CAPRIN1: variants seen among roughly 807,000 people sequenced by gnomAD.
CAPRIN1 encodes the protein cell cycle associated protein 1.
Under a neutral mutation model 100.9 loss-of-function variants are expected in CAPRIN1, and 29 were observed. The observed-to-expected ratio is 0.29, with a 90% CI of 0.21 to 0.39. CAPRIN1 has a LOEUF of 0.39. Among genes scored for constraint, CAPRIN1 ranks in the 10% least tolerant of loss-of-function variants. CAPRIN1 has a pLI of 1.00. For missense variants in CAPRIN1, 795 were observed against 876.7 expected (o/e 0.91, Z 1.18); for synonymous variants, 338 against 307.5 (o/e 1.10, Z -1.04).
Position 34,099,322 on chromosome 11 carries a change from A to T in CAPRIN1, c.2085A>T (p.Arg695Ser). The T allele has an allele frequency of 6.2e-7, 1 of 1,613,858 alleles. No homozygotes were observed. The highest frequency in any genetic ancestry group is 8.5e-7 in the Non-Finnish European group (1 of 1,179,832). ...GAPRGRGGPP[R>S]PNRGMPQMNT... is the part of the protein sequence containing the mutation. ...TTCTAGGTCGTGGAGGGCCCCCAAG[A>T]CCCAACAGAGGGATGCCGCAAATGA... The change falls in exon 19 of 19, where the codon AGA becomes AGT. Residue 695 changes from arginine (R) to serine (S), a missense_variant. Physicochemically the swap from Arg to Ser is moderately radical, Grantham distance 110 (BLOSUM62 -1). Around this residue, in one of 3 missense-constraint regions of CAPRIN1, gnomAD observed 648 missense variants for 697.9 expected, o/e 0.93. Transcript: ENST00000341394.
rs1191091733 is a variant in CAPRIN1, at chr11:34,086,061, TAGG to T, written c.967-2_967del. The T allele has an allele frequency of 1.2e-6, 2 of 1,613,292 alleles. No individual in the cohort carries two copies. Among genetic ancestry groups the T allele is most frequent in the Admixed American group, 3.3e-5 (2 of 59,848 alleles). On this transcript the variant is annotated splice_acceptor_variant and coding_sequence_variant, in exon 10 of 19. Coordinates refer to ENST00000341394, the MANE Select transcript of CAPRIN1 (RefSeq NM_005898.5). LOFTEE classifies it high-confidence loss of function. ...CCTTCTAATCCTTTTTTTTCTACCT[TAGG>T]TGGTAAATTCACTCCAGCAGCAACC...
At chr11:34,069,338 C>CG (rs915631157) in intron 2 of CAPRIN1, among the ~76,000 whole-genome samples, 3 of 151,526 alleles carry the variant, frequency 2.0e-5, no homozygotes, top group East Asian at 1.9e-4. Flanking sequence ...TTGGTAGAGA[C>CG]GGGGTTTCAC....
chr11:34,074,256 G>A (rs998963538), intron 4 of CAPRIN1, among the ~76,000 whole-genome samples: 1 of 152,154 alleles, frequency 6.6e-6, no homozygotes, highest in African/African-American at 2.4e-5. Context: ...TATTTTGGAA[G>A]TTACTATCAC....
Position 34,091,922 on chromosome 11 carries a change from C to G in CAPRIN1, c.1571C>G (p.Ala524Gly). 6.2e-7 allele frequency: 1 copy of G among 1,612,914 alleles called. No homozygotes were observed. Among genetic ancestry groups the G allele is most frequent in the Non-Finnish European group, 8.5e-7 (1 of 1,179,444 alleles). Residue 524 changes from alanine to glycine, a missense_variant, in exon 15 of 19, where the codon GCC (alanine) becomes GGC (glycine). Around this residue, in one of 3 missense-constraint regions of CAPRIN1, gnomAD observed 648 missense variants for 697.9 expected, o/e 0.93. Transcript: ENST00000341394. ...TACTAACAGGTGTTCAATATGAATG[C>G]CCCAGTTCCTCCTGTTAATGAACCA... ...QSMQTVFNMN[A>G]PVPPVNEPET...
intron 2 of CAPRIN1, chr11:34,062,904 C>A (rs961948239): frequency 6.6e-6 from 1 of 152,004 alleles, no homozygotes; most frequent in African/African-American, 2.4e-5. Context: ...CCTAATCTTC[C>A]TTCTGACTAT....
rs1055947988 is a variant in CAPRIN1, at chr11:34,051,836, C to G, written c.-36C>G. 6.5e-6 allele frequency: 1 copy of G among 152,826 alleles called. No homozygotes were observed. Among genetic ancestry groups the G allele is most frequent in the Admixed American group, 6.5e-5 (1 of 15,290 alleles). The allele number at this position is 152,826 out of a possible 1,614,324, so 9.5% of individuals were successfully genotyped here. A position where few individuals can be genotyped will look rare whatever the true frequency, so the allele number is the denominator to read the frequency against. On this transcript the variant is annotated 5_prime_UTR_variant, in exon 1 of 19. Coordinates refer to ENST00000341394, the MANE Select transcript of CAPRIN1 (RefSeq NM_005898.5). ...CCACCACCCTTGCCCCCTCAGCTGC[C>G]CACTCGTGATTTCCAGCGGCCTCCG...
At chr11:34,060,131 C>T (rs1269275334) in intron 2 of CAPRIN1, among the ~76,000 whole-genome samples, 4 of 135,710 alleles carry the variant, frequency 2.9e-5, no homozygotes, top group African/African-American at 5.6e-5. Context: ...GGGAGGCAGA[C>T]GTTGCAGTGA....
chr11:34,057,301 G>A (rs1850471982), intron 2 of CAPRIN1, among the ~76,000 whole-genome samples: 1 of 152,172 alleles, frequency 6.6e-6, no homozygotes, highest in African/African-American at 2.4e-5. Flanking sequence ...GCTTGACTGT[G>A]TGTGTTTGTA....
chr11:34,062,396 C>T (rs1259361127), intron 2 of CAPRIN1, among the ~76,000 whole-genome samples: 9 of 151,984 alleles, frequency 5.9e-5, no homozygotes, highest in East Asian at 1.9e-4. Context: ...GAGGCCGAGG[C>T]GGGCGGATCA....
chr11:34,056,811 G>A (rs1054711079), intron 2 of CAPRIN1, among the ~76,000 whole-genome samples: 7 of 152,150 alleles, frequency 4.6e-5, no homozygotes, highest in Non-Finnish European at 7.4e-5. Context: ...TAGTGACTTT[G>A]GTAGGTGAAA....
intron 2 of CAPRIN1, among the ~76,000 whole-genome samples, chr11:34,069,922 A>G: frequency 6.6e-6 from 1 of 151,672 alleles, no homozygotes; most frequent in African/African-American, 2.4e-5. Flanking sequence ...AAAAAAAAAA[A>G]AAAGAAAAAA....
intron 18 of CAPRIN1, chr11:34,098,997 C>T (rs1268659426): frequency 8.1e-7 from 1 of 1,234,446 alleles, no homozygotes; most frequent in African/African-American, 1.5e-5. Context: ...TATCTATTCC[C>T]AACGCTTGAT....
chr11:34,071,070 G>T (rs548387461), intron 2 of CAPRIN1, among the ~76,000 whole-genome samples: 104 of 152,256 alleles, frequency 6.8e-4, no homozygotes, highest in Non-Finnish European at 1.1e-3. Context: ...AATTTAACTT[G>T]ATAAATGTCT....
intron 2 of CAPRIN1, among the ~76,000 whole-genome samples, chr11:34,059,381 G>T (rs1357296552): frequency 6.6e-6 from 1 of 150,376 alleles, no homozygotes; most frequent in African/African-American, 2.5e-5. Flanking sequence ...TGATTCTCTT[G>T]CCTCAGCCTC....
chr11:34,094,323 TG>T, intron 15 of CAPRIN1, among the ~76,000 whole-genome samples: 1 of 152,292 alleles, frequency 6.6e-6, no homozygotes, highest in East Asian at 1.9e-4. Context: ...TCCAAAGTGC[TG>T]GGATTACAGG....
At chr11:34,086,007 A>T in intron 9 of CAPRIN1, 57 bp from the exon 10 acceptor site, 1 of 1,466,126 alleles carries the variant, frequency 6.8e-7, no homozygotes, top group Non-Finnish European at 9.5e-7. Context: ...TCATGGTGGT[A>T]GTGAGTGGAG....
At chr11:34,052,722 T>C in intron 2 of CAPRIN1, 86 bp downstream of exon 2, 1 of 1,464,528 alleles carries the variant, frequency 6.8e-7, no homozygotes, top group South Asian at 1.2e-5. Context: ...CCTTCGCTTC[T>C]TTTCGTCTCG....
chr11:34,102,100 C>T lies in CAPRIN1; in HGVS notation c.*2733C>T, dbSNP rs138879847. ...CAAATATCCTTTAAGTATTTCTAAT[C>T]AGTTAGCTTCTACAGTTCTTTTGTC... On this transcript the variant is annotated 3_prime_UTR_variant, in exon 19 of 19. Coordinates refer to ENST00000341394, the MANE Select transcript of CAPRIN1 (RefSeq NM_005898.5). Among the ~76,000 whole-genome samples, 2 of 152,192 alleles carry T rather than the reference C, an allele frequency of 1.3e-5. No individual in the cohort carries two copies. The highest frequency in any genetic ancestry group is 4.8e-5 in the African/African-American group (2 of 41,536).
At chr11:34,095,451 T>C (rs1288347281) in intron 15 of CAPRIN1, among the ~76,000 whole-genome samples, 2 of 152,230 alleles carry the variant, frequency 1.3e-5, no homozygotes, top group African/African-American at 4.8e-5. Flanking sequence ...GGCTCTCTCT[T>C]TTTCTCTAGG....
Sources: allele counts gnomAD v4.1 joint callset (sites outside exome capture counted in the v4.1 genomes callset), GRCh38; gene constraint gnomAD v4.1.1; regional missense constraint gnomAD v4.1.1; transcripts MANE v1.5; gene names NCBI Gene and HGNC (gene_info 2026-07-23, HGNC 2026-07-21).